The following MITF variants were observed in gnomAD, a reference collection of about 807,000 sequenced individuals.
The protein encoded by MITF is microphthalmia-associated transcription factor.
In MITF, 17 loss-of-function variants were observed where a neutral mutation model predicts 60.5. That is an observed-to-expected ratio of 0.28 (90% CI 0.19 to 0.42). The LOEUF is 0.42. MITF is among the 10% of genes least tolerant of loss of function. The probability of loss-of-function intolerance (pLI) is 1.00; values close to 1 mark genes in which losing one functional copy is unlikely to be tolerated. For missense variants in MITF, 622 were observed against 683.5 expected, an observed-to-expected ratio of 0.91 and a Z score of 1.00; for synonymous variants, 260 against 248.5, an observed-to-expected ratio of 1.05 and a Z score of -0.43.
intron 2 of MITF, among the ~76,000 whole-genome samples, chr3:69,908,416 A>G (rs1360589791): frequency 3.3e-5 from 5 of 152,190 alleles, no homozygotes; most frequent in Admixed American, 3.3e-4. Context: ...TTTCAAACTA[A>G]TATTTTCTTT....
intron 1 of MITF, among the ~76,000 whole-genome samples, chr3:69,852,645 C>T (rs188937651): frequency 1.6e-4 from 25 of 152,206 alleles, no homozygotes; most frequent in Admixed American, 1.2e-3. Context: ...TTTTGGTGAA[C>T]ACACATATAA....
At chr3:69,895,859 T>C (rs1360291887) in intron 2 of MITF, among the ~76,000 whole-genome samples, 1 of 151,470 alleles carries the variant, frequency 6.6e-6, no homozygotes, top group Non-Finnish European at 1.5e-5. Context: ...TATGTGTGTG[T>C]TTTGACAATT....
chr3:69,957,973 G>A (rs941114279), intron 8 of MITF, among the ~76,000 whole-genome samples: 4 of 152,116 alleles, frequency 2.6e-5, no homozygotes, highest in African/African-American at 7.2e-5. Flanking sequence ...TCCCACCAGA[G>A]CAAGTCTGCA....
At chr3:69,938,981 A>C in intron 3 of MITF, 117 bp from the exon 4 acceptor site, 4 of 1,546,014 alleles carry the variant, frequency 2.6e-6, no homozygotes, top group Non-Finnish European at 1.7e-6. Context: ...GTCAGATTCC[A>C]CTTTGTTTGA....
At chr3:69,752,916 C>A (rs1703988103) in intron 1 of MITF, among the ~76,000 whole-genome samples, 1 of 152,230 alleles carries the variant, frequency 6.6e-6, no homozygotes, top group African/African-American at 2.4e-5. Context: ...GAGGCCTCCC[C>A]TGAAGCCTCC....
rs530077656 is a variant in MITF at position 69,966,404 on chromosome 3, G to C, written c.*1156G>C. Reference sequence around the variant, plus strand: ...AGAACTGTTTTTGGACACATTTAAGGTGTAGTATTAATAGGTTAAAACCAG... The same window carrying C: ...AGAACTGTTTTTGGACACATTTAAGCTGTAGTATTAATAGGTTAAAACCAG... On this transcript the variant is annotated 3_prime_UTR_variant, in exon 10 of 10. Coordinates refer to ENST00000352241, the MANE Select transcript of MITF (RefSeq NM_001354604.2). The C allele has an allele frequency of 4.3e-6, 1 of 232,864 alleles. No homozygotes were observed. 14.4% of individuals were successfully genotyped at this position (232,864 alleles called of 1,614,324 possible).
intron 2 of MITF, among the ~76,000 whole-genome samples, chr3:69,892,066 T>A (rs2064772054): frequency 6.6e-6 from 1 of 152,206 alleles, no homozygotes; most frequent in Non-Finnish European, 1.5e-5. Context: ...TAAATATGTA[T>A]GTCACATATG....
At chr3:69,831,765 A>G (rs538859822) in intron 1 of MITF, among the ~76,000 whole-genome samples, 5 of 152,320 alleles carry the variant, frequency 3.3e-5, no homozygotes, top group African/African-American at 1.2e-4. Flanking sequence ...TTATTTGAAG[A>G]GCAGAATGAC....
At chr3:69,750,883 G>C (rs1703912638) in intron 1 of MITF, among the ~76,000 whole-genome samples, 1 of 152,236 alleles carries the variant, frequency 6.6e-6, no homozygotes. Context: ...TTGGGTGACA[G>C]AATACCCATA....
At chr3:69,740,022 G>T (rs746302439) in intron 1 of MITF, among the ~76,000 whole-genome samples, 3 of 152,150 alleles carry the variant, frequency 2.0e-5, no homozygotes, top group Admixed American at 1.3e-4. Flanking sequence ...GGCGCGATGT[G>T]GGGGAGGAGG....
At chr3:69,823,410 T>G (rs958802844) in intron 1 of MITF, among the ~76,000 whole-genome samples, 12 of 152,144 alleles carry the variant, frequency 7.9e-5, no homozygotes, top group Admixed American at 2.6e-4. Context: ...AAGGTCTCTT[T>G]CTGTCTGGCA....
chr3:69,953,968 C>A (rs181504947), intron 7 of MITF, among the ~76,000 whole-genome samples: 1 of 152,202 alleles, frequency 6.6e-6, no homozygotes, highest in Admixed American at 6.5e-5. Flanking sequence ...CTAGACATCA[C>A]CCTTATCAGT....
Position 69,779,723 on chromosome 3 carries a change from T to A in MITF, c.104+40022T>A, listed in dbSNP as rs193071260. On this transcript the variant is annotated intron_variant, in intron 1 of 9. Coordinates refer to ENST00000352241, the MANE Select transcript of MITF (RefSeq NM_001354604.2). ...TATAATTAAAATTAAAATTAAAATT[T>A]TCATTTTGATATAATTATAGATTAA... Among the ~76,000 whole-genome samples the A allele has an allele frequency of 3.2e-4, 48 of 152,284 alleles. No homozygotes were observed. The East Asian group carries it at 5.6e-3, about 18-fold the overall frequency.
chr3:69,768,933 T>A (rs1349500681), intron 1 of MITF, among the ~76,000 whole-genome samples: 1 of 152,198 alleles, frequency 6.6e-6, no homozygotes, highest in East Asian at 1.9e-4. Context: ...AGGGCATGTG[T>A]CCCATTTTGC....
rs138176239 is a variant in MITF, at chr3:69,821,063, A to G, written c.105-58071A>G. Among the ~76,000 whole-genome samples the G allele has an allele frequency of 2.2e-3, 338 of 152,302 alleles. 2 individuals carry two copies. The highest frequency in any genetic ancestry group is 3.3e-3 in the South Asian group (16 of 4,826). ...CAATTTGAGCCCCAAACTTATAGCA[A>G]TGAGGCACTTTCTTGACAAAGGTGA... On this transcript the variant is annotated intron_variant, in intron 1 of 9. Transcript: ENST00000352241.
At chr3:69,906,325 A>G (rs940762913) in intron 2 of MITF, among the ~76,000 whole-genome samples, 1 of 152,124 alleles carries the variant, frequency 6.6e-6, no homozygotes, top group African/African-American at 2.4e-5. Context: ...CTTGACACCA[A>G]TACCAAACTC....
intron 2 of MITF, among the ~76,000 whole-genome samples, chr3:69,894,051 T>C (rs1371453322): frequency 6.6e-6 from 1 of 152,234 alleles, no homozygotes; most frequent in Admixed American, 6.5e-5. Flanking sequence ...AATTAAACTT[T>C]CACTTATAAG....
chr3:69,794,119 CT>C (rs2062789540), intron 1 of MITF, among the ~76,000 whole-genome samples: 1 of 152,166 alleles, frequency 6.6e-6, no homozygotes, highest in Non-Finnish European at 1.5e-5. Flanking sequence ...TCTACAGAGT[CT>C]CCCCCAACTT....
At chr3:69,890,614 C>T (rs1300411869) in intron 2 of MITF, among the ~76,000 whole-genome samples, 2 of 151,954 alleles carry the variant, frequency 1.3e-5, no homozygotes, top group Non-Finnish European at 2.9e-5. Context: ...GCTGATGTCT[C>T]TAAGGCAATT....
Sources: gnomAD v4.1 joint callset for allele counts (sites outside exome capture counted in the v4.1 genomes callset) on GRCh38, gnomAD v4.1.1 for gene constraint, MANE v1.5 for transcripts, NCBI Gene and HGNC (gene_info 2026-07-23, HGNC 2026-07-21) for gene names.